The following RFX4 variants were observed in gnomAD, a reference collection of about 807,000 sequenced individuals.
The protein encoded by RFX4 is transcription factor RFX4.
Under a neutral mutation model 95.0 loss-of-function variants are expected in RFX4, and 10 were observed. That is an observed-to-expected ratio of 0.11 (90% CI 0.06 to 0.18). The LOEUF is 0.18. Ranked by LOEUF, RFX4 falls within the 10% of genes least tolerant of loss-of-function variation. The pLI, the probability that RFX4 is intolerant of heterozygous loss-of-function variation, is 1.00. For synonymous variants in RFX4, 321 were observed against 340.7 expected, an observed-to-expected ratio of 0.94 and a Z score of 0.64; for missense variants, 640 against 922.0, an observed-to-expected ratio of 0.69 and a Z score of 3.96.
At chr12:106,670,897 A>G (rs1220739065) in intron 4 of RFX4, among the ~76,000 whole-genome samples, 5 of 152,218 alleles carry the variant, frequency 3.3e-5, no homozygotes, top group Non-Finnish European at 7.3e-5. Flanking sequence ...AATTTGTGAC[A>G]ATTAGTTCCC....
intron 5 of RFX4, among the ~76,000 whole-genome samples, 154 bp from the exon 6 acceptor site, chr12:106,686,730 A>C (rs910086347): frequency 1.3e-5 from 2 of 152,022 alleles, no homozygotes; most frequent in African/African-American, 4.8e-5. Flanking sequence ...GCCTTACAGG[A>C]GAGTTAACTC....
At chr12:106,631,810 T>C (rs976472088) in intron 2 of RFX4, among the ~76,000 whole-genome samples, 1 of 152,234 alleles carries the variant, frequency 6.6e-6, no homozygotes, top group African/African-American at 2.4e-5. Context: ...CACTCTGCCA[T>C]GGGGACTTTG....
At chr12:106,627,664 C>A (rs751201300) in intron 2 of RFX4, among the ~76,000 whole-genome samples, 1 of 152,196 alleles carries the variant, frequency 6.6e-6, no homozygotes, top group African/African-American at 2.4e-5. Context: ...AATTTGGTTT[C>A]TTATAACTTC....
At chr12:106,607,610 AT>A (rs1046385587) in intron 1 of RFX4, among the ~76,000 whole-genome samples, 2 of 152,016 alleles carry the variant, frequency 1.3e-5, no homozygotes, top group African/African-American at 4.8e-5. Flanking sequence ...CATTCACCTA[AT>A]TTTTTTATGA....
At chr12:106,711,993 T>C (rs1000612490) in intron 10 of RFX4, among the ~76,000 whole-genome samples, 2 of 152,236 alleles carry the variant, frequency 1.3e-5, no homozygotes, top group African/African-American at 4.8e-5. Flanking sequence ...AAGTGGAAGA[T>C]CCCACTCCAT....
intron 13 of RFX4, among the ~76,000 whole-genome samples, chr12:106,722,217 T>C (rs1349747284): frequency 6.6e-6 from 1 of 152,250 alleles, no homozygotes; most frequent in Non-Finnish European, 1.5e-5. Flanking sequence ...AAGTGAACTG[T>C]TGGAAAATAT....
intron 2 of RFX4, among the ~76,000 whole-genome samples, chr12:106,635,171 C>A (rs1017726139): frequency 6.6e-6 from 1 of 151,942 alleles, no homozygotes; most frequent in Non-Finnish European, 1.5e-5. Context: ...TCCAGGTGGA[C>A]CAAAATGCTG....
chr12:106,640,704 C>T (rs548111963), intron 3 of RFX4, among the ~76,000 whole-genome samples: 2 of 151,710 alleles, frequency 1.3e-5, no homozygotes, highest in South Asian at 4.2e-4. Flanking sequence ...CCCATAGTGC[C>T]AAGACATCGA....
At chr12:106,602,505 T>C in intron 1 of RFX4, among the ~76,000 whole-genome samples, 1 of 149,684 alleles carries the variant, frequency 6.7e-6, no homozygotes, top group East Asian at 1.9e-4. Flanking sequence ...CCAGTCAGAT[T>C]TGAGCTCCAA....
At chr12:106,672,079 C>T (rs2041292712) in intron 4 of RFX4, among the ~76,000 whole-genome samples, 1 of 152,172 alleles carries the variant, frequency 6.6e-6, no homozygotes, top group African/African-American at 2.4e-5. Flanking sequence ...TTCCTTTCCT[C>T]ATCTTAAATT....
At position 106,677,834 on chromosome 12, in the gene RFX4, A is replaced by G. The variant is rs76743287; in HGVS notation, c.316-4159A>G. Reference sequence around the variant, plus strand: ...GTGGACTAGTGCAGTAGTGGGGGTAAGGGCAGAAAGAGAGAAGGGGCTAGG... The same window carrying G: ...GTGGACTAGTGCAGTAGTGGGGGTAGGGGCAGAAAGAGAGAAGGGGCTAGG... On this transcript the variant is annotated intron_variant, in intron 4 of 17. Transcript: ENST00000392842. Among the ~76,000 whole-genome samples, 21 of 152,242 alleles carry G rather than the reference A, an allele frequency of 1.4e-4. No homozygotes were observed. The East Asian group carries it at 4.1e-3, about 30-fold the overall frequency.
At chr12:106,706,102 A>G (rs2042080993) in intron 8 of RFX4, among the ~76,000 whole-genome samples, 1 of 152,210 alleles carries the variant, frequency 6.6e-6, no homozygotes, top group Non-Finnish European at 1.5e-5. Context: ...TTAGCTAAAT[A>G]ACATGGAGCT....
intron 17 of RFX4, among the ~76,000 whole-genome samples, chr12:106,760,243 T>C (rs963482345): frequency 3.3e-5 from 5 of 152,138 alleles, no homozygotes; most frequent in African/African-American, 1.2e-4. Context: ...AGCAAAGAAA[T>C]CTTTGTGCTG....
Position 106,665,031 on chromosome 12 carries a change from T to C in RFX4, c.315+10680T>C, listed in dbSNP as rs141379316. 4.2e-3 allele frequency among the ~76,000 whole-genome samples: 631 copies of C among 152,032 alleles called. 1 individual carries two copies. Among genetic ancestry groups the C allele is most frequent in the Non-Finnish European group, 5.9e-3 (403 of 67,758 alleles). ...TTAATGTCAATTATATTTAATTGATTCATGTCCTTACTGATCTTCTGCCTT... is the reference window on the plus strand; with the variant it reads ...TTAATGTCAATTATATTTAATTGATCCATGTCCTTACTGATCTTCTGCCTT... On this transcript the variant is annotated intron_variant, in intron 4 of 17. Coordinates refer to ENST00000392842, the MANE Select transcript of RFX4 (RefSeq NM_213594.3).
intron 2 of RFX4, among the ~76,000 whole-genome samples, chr12:106,621,891 A>G (rs2040194130): frequency 6.6e-6 from 1 of 152,176 alleles, no homozygotes; most frequent in Non-Finnish European, 1.5e-5. Context: ...CCTTTCTTTC[A>G]AGGCTTGTAG....
chr12:106,702,357 C>T (rs11113089), intron 8 of RFX4, among the ~76,000 whole-genome samples: 3,017 of 152,202 alleles, frequency 0.02, 98 homozygotes, highest in African/African-American at 0.068. Context: ...GCAGTCTATT[C>T]GGGAGTTCAT....
intron 3 of RFX4, among the ~76,000 whole-genome samples, chr12:106,641,880 G>A (rs982051508): frequency 2.6e-5 from 4 of 152,000 alleles, no homozygotes; most frequent in Non-Finnish European, 5.9e-5. Context: ...ATGCAATGGT[G>A]GATAAGGTAG....
chr12:106,709,916 G>A (rs1379481118), intron 9 of RFX4, among the ~76,000 whole-genome samples: 1 of 152,200 alleles, frequency 6.6e-6, no homozygotes, highest in Non-Finnish European at 1.5e-5. Flanking sequence ...TAAAATGGTG[G>A]TAGCAGGAGA....
chr12:106,664,220 T>G (rs1171327964), intron 4 of RFX4, among the ~76,000 whole-genome samples: 1 of 151,958 alleles, frequency 6.6e-6, no homozygotes, highest in East Asian at 1.9e-4. Context: ...TATTAATTAT[T>G]GATTCAATAT....
Sources: allele counts gnomAD v4.1 joint callset (sites outside exome capture counted in the v4.1 genomes callset), GRCh38; gene constraint gnomAD v4.1.1; transcripts MANE v1.5; gene names NCBI Gene and HGNC (gene_info 2026-07-23, HGNC 2026-07-21).